The following FKBP3 variants were observed in gnomAD, a reference collection of about 807,000 sequenced individuals.
The protein encoded by FKBP3 is FKBP prolyl isomerase 3.
FKBP3 carries 21 observed loss-of-function variants against 30.6 expected under a neutral mutation model. That is an observed-to-expected ratio of 0.69 (90% confidence interval 0.49 to 0.99). The LOEUF is 0.99. Among genes scored for constraint, FKBP3 ranks in the 50% least tolerant of loss-of-function variants. FKBP3 has a pLI of 0.00. For synonymous variants in FKBP3, 82 were observed against 91.3 expected, an observed-to-expected ratio of 0.90 and a Z score of 0.58; for missense variants, 283 against 261.6, an observed-to-expected ratio of 1.08 and a Z score of -0.56.
intron 3 of FKBP3, among the ~76,000 whole-genome samples, chr14:45,124,933 C>T (rs1885065853): frequency 6.6e-6 from 1 of 152,034 alleles, no homozygotes; most frequent in Non-Finnish European, 1.5e-5. Flanking sequence ...TTATTTATTT[C>T]TGAGACCGAG....
intron 5 of FKBP3, among the ~76,000 whole-genome samples, chr14:45,120,418 GA>G (rs1313197418): frequency 1.3e-5 from 2 of 152,200 alleles, no homozygotes; most frequent in African/African-American, 4.8e-5. Flanking sequence ...TGTATGAGGT[GA>G]AAAGGCTGCA....
intron 6 of FKBP3, 32 bp downstream of exon 6, chr14:45,117,996 C>G: frequency 3.3e-5 from 33 of 1,014,192 alleles, no homozygotes; most frequent in Non-Finnish European, 3.4e-5. Context: ...TTTTTTTTTT[C>G]AACTTTAATT....
At chr14:45,126,578 A>C (rs1001779566) in intron 3 of FKBP3, among the ~76,000 whole-genome samples, 1 of 152,152 alleles carries the variant, frequency 6.6e-6, no homozygotes, top group Non-Finnish European at 1.5e-5. Context: ...GAATGCCAAG[A>C]ATAAGAAATT....
At chr14:45,126,591 G>T (rs565785422) in intron 3 of FKBP3, among the ~76,000 whole-genome samples, 1 of 152,074 alleles carries the variant, frequency 6.6e-6, no homozygotes, top group Admixed American at 6.6e-5. Context: ...AAGAAATTTG[G>T]ATATATATTG....
chr14:45,117,801 T>G (rs1312953107), intron 6 of FKBP3, among the ~76,000 whole-genome samples: 1 of 152,208 alleles, frequency 6.6e-6, no homozygotes. Context: ...AGTTAAGAAT[T>G]TGAATAAGAG....
chr14:45,117,066 G>A (rs887717965), intron 6 of FKBP3, among the ~76,000 whole-genome samples: 6 of 151,594 alleles, frequency 4.0e-5, no homozygotes, highest in Admixed American at 2.0e-4. Flanking sequence ...CTGCTTCCCA[G>A]GTTCAAGTGA....
Position 45,116,480 on chromosome 14 carries a change from C to CAAA in FKBP3, c.621-231_621-229dup, listed in dbSNP as rs1241076121. On this transcript the variant is annotated intron_variant, in intron 6 of 6. Coordinates refer to ENST00000396062, the MANE Select transcript of FKBP3 (RefSeq NM_002013.4). ...TCATTCTAGCTGGGGGGGGGTGGAACAAAAAAAATATATATACATATAGAG... is the reference window on the plus strand; with the variant it reads ...TCATTCTAGCTGGGGGGGGGTGGAACAAAAAAAAAAATATATATACATATAGAG... Among the ~76,000 whole-genome samples, 504 of 149,450 alleles carry CAAA rather than the reference C, an allele frequency of 3.4e-3. 4 individuals carry two copies. Among genetic ancestry groups the CAAA allele is most frequent in the African/African-American group, 0.012 (481 of 40,620 alleles).
intron 6 of FKBP3, among the ~76,000 whole-genome samples, chr14:45,117,454 G>A (rs777399039): frequency 6.6e-6 from 1 of 151,978 alleles, no homozygotes; most frequent in African/African-American, 2.4e-5. Flanking sequence ...GGATTGGTCT[G>A]GTCTTAATGG....
intron 6 of FKBP3, among the ~76,000 whole-genome samples, chr14:45,117,637 A>C (rs2139074766): frequency 6.6e-6 from 1 of 152,264 alleles, no homozygotes; most frequent in Middle Eastern, 3.4e-3. Context: ...TTTGAATTTA[A>C]TTGCCTGAAA....
At chr14:45,133,865 G>A (rs748243818) in intron 1 of FKBP3, among the ~76,000 whole-genome samples, 9 of 152,116 alleles carry the variant, frequency 5.9e-5, no homozygotes, top group South Asian at 2.1e-4. Flanking sequence ...CACAACCTAC[G>A]GATTTTTTAA....
rs1884989434 is a variant in FKBP3, at chr14:45,121,662, T to G, written c.319-42A>C. 5.7e-6 allele frequency: 9 copies of G among 1,592,714 alleles called. No homozygotes were observed. The South Asian group carries it at 7.9e-5, about 14-fold the overall frequency. ...ACACACACACACAGAGTTATTAATT[T>G]GTGTCCTTTAAAAGAATGACAAACA... is the stretch of plus-strand genomic sequence containing the variant. On this transcript the variant is annotated intron_variant, in intron 3 of 6. Transcript: ENST00000396062.
intron 5 of FKBP3, among the ~76,000 whole-genome samples, chr14:45,118,362 G>GCT (rs1216841148): frequency 6.6e-6 from 1 of 152,080 alleles, no homozygotes; most frequent in Non-Finnish European, 1.5e-5. Context: ...ACCTTTTGGG[G>GCT]CTCATACCTA....
chr14:45,116,252 T>A lies in FKBP3; in HGVS notation c.621A>T (p.Lys207Asn), dbSNP rs1306450209. 7 of 1,612,178 alleles carry A rather than the reference T, an allele frequency of 4.3e-6. No individual in the cohort carries two copies. The highest frequency in any genetic ancestry group is 5.9e-6 in the Non-Finnish European group (7 of 1,178,416). Reference protein sequence around the residue: ...AYGKKGQPDAKIPPNAKLTFE... With the variant: ...AYGKKGQPDANIPPNAKLTFE... ...AAGTGAGTTTTGCATTTGGTGGAAT[T>A]CTGTTGAAGAAGTCAAGGTACATTT... The change falls in exon 7 of 7, where the codon AAA becomes AAT. Residue 207 changes from lysine (K) to asparagine (N), a missense_variant and splice_region_variant. By Grantham distance (94) the Lys-to-Asn change is moderately conservative. Transcript: ENST00000396062.
At chr14:45,128,165 C>T (rs951378315) in intron 3 of FKBP3, among the ~76,000 whole-genome samples, 1 of 152,120 alleles carries the variant, frequency 6.6e-6, no homozygotes, top group Non-Finnish European at 1.5e-5. Flanking sequence ...GGAGAAACTG[C>T]GTCTCTATTA....
chr14:45,121,761 G>GT, intron 3 of FKBP3, 141 bp from the exon 4 acceptor site: 1 of 866,258 alleles, frequency 1.2e-6, no homozygotes, highest in South Asian at 2.0e-5. Flanking sequence ...AAAACCCTCA[G>GT]TATCTAATTT....
At chr14:45,119,281 G>A (rs1391794425) in intron 5 of FKBP3, among the ~76,000 whole-genome samples, 1 of 152,032 alleles carries the variant, frequency 6.6e-6, no homozygotes, top group Non-Finnish European at 1.5e-5. Context: ...TAAGAATATG[G>A]TAGACTAGCC....
intron 1 of FKBP3, chr14:45,133,454 G>T (rs1203892034): frequency 2.4e-5 from 4 of 164,944 alleles, no homozygotes; most frequent in South Asian, 1.3e-4. Context: ...GCAACAGAGA[G>T]AGACTCCGTC....
At chr14:45,129,654 C>T (rs377762564) in intron 3 of FKBP3, 140 bp downstream of exon 3, 2 of 509,720 alleles carry the variant, frequency 3.9e-6, no homozygotes, top group East Asian at 6.5e-5. Context: ...GGGAAATGGC[C>T]CACTACATTA....
chr14:45,131,902 ACTG>A (rs1885225127), intron 1 of FKBP3, among the ~76,000 whole-genome samples: 2 of 152,216 alleles, frequency 1.3e-5, no homozygotes, highest in African/African-American at 4.8e-5. Context: ...CAAATATAAG[ACTG>A]CTAAGATGGC....
Sources: gnomAD v4.1 joint callset for allele counts (sites outside exome capture counted in the v4.1 genomes callset) on GRCh38, gnomAD v4.1.1 for gene constraint, MANE v1.5 for transcripts, NCBI Gene and HGNC (gene_info 2026-07-23, HGNC 2026-07-21) for gene names.